CUL2: variants seen among roughly 807,000 people sequenced by gnomAD.
CUL2 encodes cullin 2.
In CUL2, 22 loss-of-function variants were observed where a neutral mutation model predicts 110.2. The ratio of observed to expected loss-of-function variants is 0.20; its 90% confidence interval spans 0.14 to 0.28. The LOEUF (loss-of-function observed/expected upper bound fraction) is 0.28. CUL2 is among the 10% of genes least tolerant of loss of function. CUL2 has a pLI of 1.00. For missense variants in CUL2, 631 were observed against 905.5 expected (o/e 0.70, Z 3.89); for synonymous variants, 279 against 293.2 (o/e 0.95, Z 0.49).
chr10:35,035,171 C>T lies in CUL2; in HGVS notation c.1002+1G>A. On this transcript the variant is annotated splice_donor_variant, in intron 10 of 20. Coordinates refer to ENST00000374749, the MANE Select transcript of CUL2 (RefSeq NM_003591.4). LOFTEE classifies it high-confidence loss of function. ...ACATTGCAGTTTCCCACACAACTCA[C>T]GTTTTCCTGAGTAAGGTTGCTGGTT... is the stretch of plus-strand genomic sequence containing the variant. 1 of 1,614,156 alleles carries T rather than the reference C, an allele frequency of 6.2e-7. No individual in the cohort carries two copies. The highest frequency in any genetic ancestry group is 1.3e-5 in the African/African-American group (1 of 75,054).
At chr10:35,122,267 A>T (rs1056633624) in intron 1 of CUL2, among the ~76,000 whole-genome samples, 1 of 152,244 alleles carries the variant, frequency 6.6e-6, no homozygotes, top group African/African-American at 2.4e-5. Context: ...TAGTAAAATA[A>T]AATAGGATAG....
At chr10:35,095,159 T>TA (rs1371754088), upstream of CUL2, among the ~76,000 whole-genome samples, 2 of 151,704 alleles carry the variant, frequency 1.3e-5, no homozygotes, top group South Asian at 2.1e-4. Flanking sequence ...TTGTCTCTAC[T>TA]AAAAAAATAC....
intron 9 of CUL2, among the ~76,000 whole-genome samples, chr10:35,037,982 G>A (rs916644657): frequency 4.6e-5 from 7 of 151,708 alleles, no homozygotes; most frequent in East Asian, 3.9e-4. Flanking sequence ...GTGACACCCC[G>A]TCTCTACTAA....
rs545255899 is a variant in CUL2, at chr10:35,025,774, A to C, written c.1618-576T>G. 2.0e-5 allele frequency among the ~76,000 whole-genome samples: 3 copies of C among 152,350 alleles called. No homozygotes were observed. In the South Asian group the frequency reaches 6.2e-4, roughly 32 times the overall value. The stretch of plus-strand genomic sequence containing the variant: ...ATGTGTAATTACAGAACAAAAATAC[A>C]GAGTTCTTTTTTCTTTAATAAAGAG... On this transcript the variant is annotated intron_variant, in intron 16 of 20. Coordinates refer to ENST00000374749, the MANE Select transcript of CUL2 (RefSeq NM_003591.4).
chr10:35,062,321 C>T (rs58159560), intron 3 of CUL2, among the ~76,000 whole-genome samples: 44,472 of 151,830 alleles, frequency 0.29, 7,038 homozygotes, highest in South Asian at 0.35. Flanking sequence ...TCATATAGCA[C>T]ATGAAAGGCA....
At chr10:35,053,151 A>G (rs926307520) in intron 5 of CUL2, among the ~76,000 whole-genome samples, 1 of 152,200 alleles carries the variant, frequency 6.6e-6, no homozygotes, top group African/African-American at 2.4e-5. Context: ...AAAGTTCAGA[A>G]AAGATGCGAA....
Position 35,044,692 on chromosome 10 carries a change from ACAT to A in CUL2, c.604-19_604-17del. On this transcript the variant is annotated splice_polypyrimidine_tract_variant and intron_variant, in intron 7 of 20. Transcript: ENST00000374749. ...CCTGATAAAACTGAATAAATCAATT[ACAT>A]CATATTAGAAGAAATTAGAACAAGC... The A allele has an allele frequency of 1.3e-6, 2 of 1,582,056 alleles. No homozygotes were observed. Among genetic ancestry groups the A allele is most frequent in the East Asian group, 4.5e-5 (2 of 44,586 alleles).
At chr10:35,040,827 C>A (rs1252421471) in intron 8 of CUL2, among the ~76,000 whole-genome samples, 1 of 152,152 alleles carries the variant, frequency 6.6e-6, no homozygotes, top group Non-Finnish European at 1.5e-5. Context: ...CATCCTAGAC[C>A]CCTTGCATGC....
intron 1 of CUL2, among the ~76,000 whole-genome samples, chr10:35,123,589 T>A (rs1041773029): frequency 4.6e-5 from 7 of 152,322 alleles, no homozygotes; most frequent in Admixed American, 1.3e-4. Flanking sequence ...ATATTTTCTA[T>A]GTGGCTCCTG....
intron 1 of CUL2, among the ~76,000 whole-genome samples, chr10:35,121,772 T>C (rs2087680820): frequency 6.7e-6 from 1 of 149,164 alleles, no homozygotes; most frequent in African/African-American, 2.5e-5. Flanking sequence ...ATCGCACTAC[T>C]GTACTCCAGC....
intron 10 of CUL2, 125 bp downstream of exon 10, chr10:35,035,047 A>G: frequency 8.8e-7 from 1 of 1,135,876 alleles, no homozygotes; most frequent in Non-Finnish European, 1.3e-6. Flanking sequence ...CATTTGAATA[A>G]AGACATTTCT....
At chr10:35,061,079 T>C (rs2086369154) in intron 3 of CUL2, 111 bp from the exon 4 acceptor site, 1 of 1,172,852 alleles carries the variant, frequency 8.5e-7, no homozygotes, top group Non-Finnish European at 1.2e-6. Flanking sequence ...ATTCTAGCTG[T>C]ACAAATTACA....
At chr10:35,062,670 C>T (rs1364822433) in intron 3 of CUL2, among the ~76,000 whole-genome samples, 1 of 123,146 alleles carries the variant, frequency 8.1e-6, no homozygotes, top group African/African-American at 3.0e-5. Flanking sequence ...CCATCTCTAC[C>T]AAAAAAAAAA....
intron 5 of CUL2, among the ~76,000 whole-genome samples, chr10:35,051,639 G>A (rs1365011033): frequency 2.0e-5 from 3 of 152,120 alleles, no homozygotes; most frequent in African/African-American, 7.2e-5. Flanking sequence ...ACAAAAAATA[G>A]TGTCTCCTTG....
intron 2 of CUL2, chr10:35,064,014 G>A (rs1000344120): frequency 2.0e-5 from 3 of 152,128 alleles, no homozygotes; most frequent in African/African-American, 4.8e-5. Flanking sequence ...ACAGAGGTCA[G>A]GACCTCCTGG....
intron 6 of CUL2, among the ~76,000 whole-genome samples, chr10:35,048,585 T>C (rs1023048610): frequency 6.6e-6 from 1 of 152,202 alleles, no homozygotes; most frequent in South Asian, 2.1e-4. Context: ...ATATTAGAAC[T>C]TAGAAGTTTT....
intron 1 of CUL2, among the ~76,000 whole-genome samples, chr10:35,113,145 T>C (rs1287456312): frequency 7.9e-6 from 1 of 126,512 alleles, no homozygotes; most frequent in Non-Finnish European, 1.6e-5. Flanking sequence ...ACCGAGCCAC[T>C]GCACTCAAGC....
At chr10:35,123,551 G>A (rs1323746494) in intron 1 of CUL2, among the ~76,000 whole-genome samples, 1 of 152,184 alleles carries the variant, frequency 6.6e-6, no homozygotes, top group Non-Finnish European at 1.5e-5. Flanking sequence ...ATTTAGCATA[G>A]GGCCTGGAAC....
At chr10:35,026,177 A>C (rs1290187306) in intron 16 of CUL2, among the ~76,000 whole-genome samples, 1 of 152,220 alleles carries the variant, frequency 6.6e-6, no homozygotes, top group African/African-American at 2.4e-5. Flanking sequence ...ATGGTGCAGC[A>C]TCCTCCTCTA....
Sources: gnomAD v4.1 joint callset for allele counts (sites outside exome capture counted in the v4.1 genomes callset) on GRCh38, gnomAD v4.1.1 for gene constraint, MANE v1.5 for transcripts, NCBI Gene and HGNC (gene_info 2026-07-23, HGNC 2026-07-21) for gene names.